Variants in CFAP299 observed in about 807,000 individuals in gnomAD.
CFAP299 encodes the protein cilia- and flagella-associated protein 299.
CFAP299 carries 21 observed loss-of-function variants against 27.0 expected under a neutral mutation model. The ratio of observed to expected loss-of-function variants is 0.78; its 90% CI spans 0.55 to 1.12. CFAP299 has a LOEUF of 1.12. Ranked by LOEUF, CFAP299 falls within the 50% of genes most tolerant of loss-of-function variation. The pLI, the probability that CFAP299 is intolerant of heterozygous loss-of-function variation, is 0.00. For missense variants in CFAP299, 310 were observed against 276.6 expected (o/e 1.12, Z -0.86); for synonymous variants, 104 against 98.1 (o/e 1.06, Z -0.36).
At chr4:80,658,784 A>G (rs1740688595) in intron 3 of CFAP299, among the ~76,000 whole-genome samples, 2 of 152,250 alleles carry the variant, frequency 1.3e-5, no homozygotes, top group African/African-American at 2.4e-5. Flanking sequence ...CATACTATCC[A>G]CTTATAATTA....
At chr4:80,554,481 T>C (rs1378502273) in intron 2 of CFAP299, among the ~76,000 whole-genome samples, 1 of 151,512 alleles carries the variant, frequency 6.6e-6, no homozygotes, top group African/African-American at 2.4e-5. Flanking sequence ...GGGCTCTTTT[T>C]GAGTCTATAT....
intron 4 of CFAP299, 64 bp from the exon 5 acceptor site, chr4:80,944,746 A>T (rs1737381227): frequency 8.0e-7 from 1 of 1,244,326 alleles, no homozygotes; most frequent in East Asian, 2.5e-5. Context: ...AATAGTTCTT[A>T]AACTATATTT....
chr4:80,549,226 A>T (rs541809684), intron 2 of CFAP299, among the ~76,000 whole-genome samples: 281 of 152,218 alleles, frequency 1.8e-3, no homozygotes, highest in Non-Finnish European at 3.1e-3. Flanking sequence ...AGGAAAATTG[A>T]TTGGAGAGTA....
chr4:80,754,734 G>C (rs114218292), intron 3 of CFAP299, among the ~76,000 whole-genome samples: 2,762 of 151,998 alleles, frequency 0.018, 45 homozygotes, highest in Non-Finnish European at 0.028. Context: ...TCTCACACCT[G>C]GTCTTCAGCA....
intron 3 of CFAP299, among the ~76,000 whole-genome samples, chr4:80,605,886 C>T (rs917476004): frequency 6.6e-6 from 1 of 151,840 alleles, no homozygotes; most frequent in Non-Finnish European, 1.5e-5. Context: ...AAAAGTTAGT[C>T]ATTCTGCATT....
intron 3 of CFAP299, among the ~76,000 whole-genome samples, chr4:80,729,531 T>C (rs1723368738): frequency 1.3e-5 from 2 of 152,034 alleles, no homozygotes; most frequent in Admixed American, 6.6e-5. Context: ...TGCTGCCGTG[T>C]TATAAGCAGC....
At chr4:80,872,029 C>T (rs1217671676) in intron 4 of CFAP299, 1 of 151,600 alleles carries the variant, frequency 6.6e-6, no homozygotes, top group Non-Finnish European at 1.5e-5. Flanking sequence ...GTTGGAGAAA[C>T]CAGGTCCTGA....
intron 3 of CFAP299, among the ~76,000 whole-genome samples, chr4:80,631,673 CA>C (rs1224530641): frequency 6.6e-6 from 1 of 152,102 alleles, no homozygotes; most frequent in Non-Finnish European, 1.5e-5. Context: ...ATATTACTTT[CA>C]AGTTAGTCAA....
At chr4:80,744,397 CA>C (rs1724463702) in intron 3 of CFAP299, among the ~76,000 whole-genome samples, 1 of 20,350 alleles carries the variant, frequency 4.9e-5, no homozygotes, top group African/African-American at 1.9e-4. Flanking sequence ...TTATGACTCA[CA>C]AAAAAAGGTG....
At chr4:80,422,947 C>T (rs192774695) in intron 2 of CFAP299, among the ~76,000 whole-genome samples, 25 of 152,238 alleles carry the variant, frequency 1.6e-4, no homozygotes, top group Admixed American at 1.2e-3. Context: ...TATGGTACAG[C>T]CTATTGCCCC....
chr4:80,680,026 G>A (rs1175610026), intron 3 of CFAP299, among the ~76,000 whole-genome samples: 3 of 151,644 alleles, frequency 2.0e-5, no homozygotes, highest in Non-Finnish European at 4.4e-5. Context: ...TCTTCTTTTT[G>A]ACTTCCAGAG....
intron 4 of CFAP299, among the ~76,000 whole-genome samples, chr4:80,931,394 A>C (rs1343368295): frequency 6.6e-6 from 1 of 152,130 alleles, no homozygotes; most frequent in Non-Finnish European, 1.5e-5. Flanking sequence ...GGCATGATGG[A>C]TGATGGTTTC....
chr4:80,535,706 C>T (rs1284986820), intron 2 of CFAP299, among the ~76,000 whole-genome samples: 2 of 152,086 alleles, frequency 1.3e-5, no homozygotes, highest in Non-Finnish European at 2.9e-5. Context: ...GGCAGTCACC[C>T]ATTTGCTTTG....
At position 80,566,411 on chromosome 4, in the gene CFAP299, C is replaced by T. The variant is rs368532100; in HGVS notation, c.243-16682C>T. On this transcript the variant is annotated intron_variant, in intron 2 of 5. Transcript: ENST00000358105. ...CCTGCAATTCCTGAAGAATGACAGT[C>T]TCTATCACTGTGTACAGTTACTGAG... Among the ~76,000 whole-genome samples, 140 of 152,136 alleles carry T rather than the reference C, an allele frequency of 9.2e-4. No individual in the cohort carries two copies. The South Asian group carries it at 0.018, about 20-fold the overall frequency.
chr4:80,932,994 C>A (rs1736698010), intron 4 of CFAP299, among the ~76,000 whole-genome samples: 1 of 152,030 alleles, frequency 6.6e-6, no homozygotes, highest in Admixed American at 6.6e-5. Context: ...CTTCTATATT[C>A]CATTTTATTA....
At chr4:80,493,642 C>T (rs561957311) in intron 2 of CFAP299, among the ~76,000 whole-genome samples, 3 of 151,434 alleles carry the variant, frequency 2.0e-5, no homozygotes, top group East Asian at 3.9e-4. Context: ...CATATTAATT[C>T]TTTGAAGAGC....
At chr4:80,904,093 G>C (rs1469191623) in intron 4 of CFAP299, among the ~76,000 whole-genome samples, 3 of 152,130 alleles carry the variant, frequency 2.0e-5, no homozygotes, top group African/African-American at 7.2e-5. Context: ...ATTATCTAAG[G>C]ATTTAAATAG....
chr4:80,529,023 G>A (rs1733327192), intron 2 of CFAP299, among the ~76,000 whole-genome samples: 1 of 152,032 alleles, frequency 6.6e-6, no homozygotes, highest in South Asian at 2.1e-4. Flanking sequence ...TATTTCTATA[G>A]CTTCTTTACT....
chr4:80,655,195 A>G (rs985080918), intron 3 of CFAP299, among the ~76,000 whole-genome samples: 1 of 152,164 alleles, frequency 6.6e-6, no homozygotes, highest in Non-Finnish European at 1.5e-5. Flanking sequence ...TACAATAGGT[A>G]TTATCCATTT....
Sources: allele counts gnomAD v4.1 joint callset (sites outside exome capture counted in the v4.1 genomes callset), GRCh38; gene constraint gnomAD v4.1.1; transcripts MANE v1.5; gene names NCBI Gene and HGNC (gene_info 2026-07-23, HGNC 2026-07-21).